Variants in DENND2A observed in about 807,000 individuals in gnomAD.
DENND2A encodes DENN domain-containing protein 2A.
DENND2A carries 53 observed loss-of-function variants against 105.3 expected under a neutral mutation model. The ratio of observed to expected loss-of-function variants is 0.50; its 90% CI spans 0.40 to 0.63. The LOEUF is 0.63. DENND2A is among the 30% of genes least tolerant of loss of function. DENND2A has a pLI of 0.00. For missense variants in DENND2A, 1,138 were observed against 1,279.6 expected, an observed-to-expected ratio of 0.89 and a Z score of 1.69; for synonymous variants, 522 against 508.4, an observed-to-expected ratio of 1.03 and a Z score of -0.36.
In DENND2A at chr7:140,521,995, T is replaced by A. The variant is rs777094305; in HGVS notation, c.2771A>T (p.Glu924Val). Reference sequence around the variant, plus strand: ...GGCCTCCCGCTGCAGGGTTCTCTCCTCACGCTCGCCCGACGTCAGGAACAA... The same window carrying A: ...GGCCTCCCGCTGCAGGGTTCTCTCCACACGCTCGCCCGACGTCAGGAACAA... ...YSLFLTSGER[E>V]ERTLQREAFR... is the part of the protein sequence containing the mutation. The change falls in exon 18 of 20, where the codon GAG becomes GTG. Residue 924 changes from glutamate (E) to valine (V), a missense_variant. This residue lies in a region of DENND2A where 627 missense variants were observed against 779.8 expected (regional missense o/e 0.80). Transcript: ENST00000496613. 1 of 1,614,178 alleles carries A rather than the reference T, an allele frequency of 6.2e-7. No individual in the cohort carries two copies. Among genetic ancestry groups the A allele is most frequent in the South Asian group, 1.1e-5 (1 of 91,082 alleles).
At chr7:140,627,035 A>C (rs2130731433) in intron 1 of DENND2A, among the ~76,000 whole-genome samples, 2 of 152,288 alleles carry the variant, frequency 1.3e-5, no homozygotes, top group Middle Eastern at 6.8e-3. Context: ...TTACTTTAAG[A>C]GACTGGTAAG....
intron 12 of DENND2A, among the ~76,000 whole-genome samples, chr7:140,548,644 G>A (rs1422917571): frequency 1.1e-4 from 16 of 151,050 alleles, no homozygotes; most frequent in African/African-American, 2.4e-4. Flanking sequence ...ACAGAGTTTC[G>A]CTCTTGTTGC....
intron 6 of DENND2A, among the ~76,000 whole-genome samples, chr7:140,569,956 G>A (rs991231721): frequency 3.3e-5 from 5 of 152,004 alleles, no homozygotes; most frequent in African/African-American, 7.2e-5. Context: ...GTGCAATGGC[G>A]CAATCTCAGC....
intron 3 of DENND2A, among the ~76,000 whole-genome samples, chr7:140,591,336 G>GTTGCAAAACTAAT (rs1259261322): frequency 6.6e-6 from 1 of 152,142 alleles, no homozygotes; most frequent in African/African-American, 2.4e-5. Flanking sequence ...GGTTATTCAC[G>GTTGCAAAACTAAT]TTGCAAAACT....
chr7:140,519,370 C>T (rs73485763), intron 19 of DENND2A, among the ~76,000 whole-genome samples: 87 of 152,306 alleles, frequency 5.7e-4, no homozygotes, highest in African/African-American at 1.7e-3. Flanking sequence ...TGAGATTTAA[C>T]AGTGCAGGAG....
At chr7:140,601,004 C>T (rs568452978) in intron 3 of DENND2A, among the ~76,000 whole-genome samples, 2 of 152,318 alleles carry the variant, frequency 1.3e-5, no homozygotes, top group Admixed American at 6.5e-5. Flanking sequence ...TAGATAGACA[C>T]TGATAGGGCC....
intron 13 of DENND2A, 73 bp from the exon 14 acceptor site, chr7:140,544,839 C>T: frequency 6.5e-7 from 1 of 1,544,566 alleles, no homozygotes; most frequent in Non-Finnish European, 8.7e-7. Context: ...GTGTCGCAGT[C>T]CCAGGGCTCT....
intron 9 of DENND2A, among the ~76,000 whole-genome samples, chr7:140,562,530 C>T (rs899369544): frequency 6.6e-6 from 1 of 151,938 alleles, no homozygotes; most frequent in Admixed American, 6.6e-5. Context: ...GGTGTGGTGG[C>T]GGGTGCCTGT....
chr7:140,536,085 G>A (rs537190919), intron 14 of DENND2A, among the ~76,000 whole-genome samples: 1 of 152,294 alleles, frequency 6.6e-6, no homozygotes, highest in South Asian at 2.1e-4. Context: ...GGGCATGGTG[G>A]TTCACGCCTA....
chr7:140,589,215 A>G (rs1170644296), intron 3 of DENND2A, among the ~76,000 whole-genome samples: 2 of 152,212 alleles, frequency 1.3e-5, no homozygotes, highest in Non-Finnish European at 2.9e-5. Flanking sequence ...TAAGTGAGGC[A>G]TGTCAGGAGG....
intron 1 of DENND2A, among the ~76,000 whole-genome samples, chr7:140,639,401 G>A (rs1379684678): frequency 1.3e-5 from 2 of 151,824 alleles, no homozygotes; most frequent in Non-Finnish European, 2.9e-5. Flanking sequence ...CCAGCCTCCC[G>A]CCAGCCTTTT....
At chr7:140,578,078 T>A (rs1228456890) in intron 5 of DENND2A, among the ~76,000 whole-genome samples, 1 of 152,130 alleles carries the variant, frequency 6.6e-6, no homozygotes, top group East Asian at 1.9e-4. Flanking sequence ...CACCCCTAAT[T>A]GTATAGATCT....
Position 140,567,027 on chromosome 7 carries a change from T to TGATGGTTAGAA in DENND2A, c.1779+58_1779+59insTTCTAACCATC, listed in dbSNP as rs1159930499. On this transcript the variant is annotated intron_variant, in intron 9 of 19. Coordinates refer to ENST00000496613, the MANE Select transcript of DENND2A (RefSeq NM_015689.5). ...TCCCACACCTCCCTCAATTCATGAG[T>TGATGGTTAGAA]CCCAACAAGGTGATGGTTAGAACCC... The TGATGGTTAGAA allele has an allele frequency of 1.2e-3, 1,829 of 1,463,370 alleles. 18 individuals are homozygous for TGATGGTTAGAA. In the African/African-American group the frequency reaches 0.019, roughly 15 times the overall value. 90.6% of individuals were successfully genotyped at this position (1,463,370 alleles called of 1,614,324 possible).
intron 14 of DENND2A, among the ~76,000 whole-genome samples, chr7:140,539,445 T>C (rs1796570231): frequency 6.6e-6 from 1 of 152,182 alleles, no homozygotes; most frequent in South Asian, 2.1e-4. Context: ...GCCTGACTGC[T>C]GAGCACAAAG....
chr7:140,546,104 A>T lies in DENND2A; in HGVS notation c.2178+695T>A, dbSNP rs138653549. The stretch of plus-strand genomic sequence containing the variant: ...AAGCCATGCAAAGGGGGTGGGAGGG[A>T]TGAAAACAAACTCCTTCATAAAATC... On this transcript the variant is annotated intron_variant, in intron 13 of 19. Coordinates refer to ENST00000496613, the MANE Select transcript of DENND2A (RefSeq NM_015689.5). Among the ~76,000 whole-genome samples, 38 of 152,156 alleles carry T rather than the reference A, an allele frequency of 2.5e-4. 1 individual carries two copies. The highest frequency in any genetic ancestry group is 8.2e-4 in the African/African-American group (34 of 41,520).
chr7:140,606,686 ATC>A (rs1799698334), intron 1 of DENND2A, among the ~76,000 whole-genome samples: 1 of 152,188 alleles, frequency 6.6e-6, no homozygotes, highest in Non-Finnish European at 1.5e-5. Context: ...TCACGAGGTC[ATC>A]TGTCTGGTCT....
At chr7:140,561,954 A>G (rs766566494) in intron 9 of DENND2A, among the ~76,000 whole-genome samples, 35 of 150,788 alleles carry the variant, frequency 2.3e-4, no homozygotes, top group Non-Finnish European at 4.7e-4. Flanking sequence ...AAATGCTGCA[A>G]TCTCGGCTCA....
intron 1 of DENND2A, among the ~76,000 whole-genome samples, chr7:140,618,349 AT>A (rs745478634): frequency 4.6e-5 from 7 of 152,194 alleles, no homozygotes; most frequent in Non-Finnish European, 8.8e-5. Context: ...GTTCCAACTT[AT>A]TTCAACTTTC....
At chr7:140,620,756 G>A (rs1800259584) in intron 1 of DENND2A, among the ~76,000 whole-genome samples, 1 of 152,156 alleles carries the variant, frequency 6.6e-6, no homozygotes, top group Admixed American at 6.6e-5. Flanking sequence ...GGAAGGCTAA[G>A]TGATACTTTA....
Sources: allele counts gnomAD v4.1 joint callset (sites outside exome capture counted in the v4.1 genomes callset), GRCh38; gene constraint gnomAD v4.1.1; regional missense constraint gnomAD v4.1.1; transcripts MANE v1.5; gene names NCBI Gene and HGNC (gene_info 2026-07-23, HGNC 2026-07-21).